The following UXS1 variants were observed in gnomAD, a reference collection of about 807,000 sequenced individuals.
UXS1 encodes the protein UDP-glucuronic acid decarboxylase 1.
In UXS1, 33 loss-of-function variants were observed where a neutral mutation model predicts 62.6. The observed-to-expected ratio is 0.53, with a 90% confidence interval of 0.40 to 0.70. The LOEUF (loss-of-function observed/expected upper bound fraction) is 0.70. Ranked by LOEUF, UXS1 falls within the 30% of genes least tolerant of loss-of-function variation. The probability of loss-of-function intolerance (pLI) is 0.00; values close to 1 mark genes in which losing one functional copy is unlikely to be tolerated. For synonymous variants in UXS1, 213 were observed against 206.8 expected, an observed-to-expected ratio of 1.03 and a Z score of -0.26; for missense variants, 434 against 556.3, an observed-to-expected ratio of 0.78 and a Z score of 2.21.
intron 4 of UXS1, among the ~76,000 whole-genome samples, chr2:106,158,332 C>T (rs1682612140): frequency 6.6e-6 from 1 of 152,144 alleles, no homozygotes; most frequent in South Asian, 2.1e-4. Flanking sequence ...AAGCTAAAGA[C>T]GTGACTTGAG....
chr2:106,179,792 G>A (rs1270852024), intron 1 of UXS1, among the ~76,000 whole-genome samples: 2 of 152,314 alleles, frequency 1.3e-5, no homozygotes, highest in East Asian at 1.9e-4. Flanking sequence ...ATAGATTCAT[G>A]AGGTAGATCT....
At chr2:106,105,676 T>C (rs725217) in intron 10 of UXS1, among the ~76,000 whole-genome samples, 111,869 of 152,118 alleles carry the variant, frequency 0.74, 41,441 homozygotes, top group South Asian at 0.79. Context: ...CAGCACGATG[T>C]GAGGTGCGAT....
chr2:106,107,743 G>A (rs868144476), intron 10 of UXS1, among the ~76,000 whole-genome samples: 2 of 152,172 alleles, frequency 1.3e-5, no homozygotes, highest in African/African-American at 2.4e-5. Context: ...GGAGAGTTAC[G>A]ACTGTGGGTG....
intron 8 of UXS1, among the ~76,000 whole-genome samples, chr2:106,123,716 T>C (rs920672251): frequency 1.3e-5 from 2 of 152,186 alleles, no homozygotes; most frequent in African/African-American, 4.8e-5. Context: ...GAAGAGACTA[T>C]TGGAAGAAAA....
chr2:106,170,992 A>T (rs1683519288), intron 1 of UXS1, among the ~76,000 whole-genome samples: 1 of 152,230 alleles, frequency 6.6e-6, no homozygotes, highest in Admixed American at 6.5e-5. Flanking sequence ...TAAAGTAAGT[A>T]TTTTAAGAAA....
chr2:106,191,778 C>T (rs1311203883), intron 1 of UXS1, among the ~76,000 whole-genome samples: 4 of 152,250 alleles, frequency 2.6e-5, no homozygotes, highest in African/African-American at 9.6e-5. Context: ...CTACATAAGC[C>T]GTCCATTCTC....
chr2:106,177,200 C>CTT (rs5833174), intron 1 of UXS1, among the ~76,000 whole-genome samples: 129,375 of 134,674 alleles, frequency 0.96, 62,308 homozygotes, highest in East Asian at 0.99. Flanking sequence ...TTTCTTTTTT[C>CTT]TTTTTTTTTT....
intron 1 of UXS1, among the ~76,000 whole-genome samples, chr2:106,169,787 C>T (rs149601390): frequency 1.3e-5 from 2 of 152,330 alleles, no homozygotes; most frequent in African/African-American, 4.8e-5. Context: ...CAGACACCTT[C>T]TGTTTCCTTG....
intron 7 of UXS1, among the ~76,000 whole-genome samples, 155 bp from the exon 8 acceptor site, chr2:106,125,834 A>G (rs1319031897): frequency 6.6e-6 from 1 of 152,246 alleles, no homozygotes; most frequent in East Asian, 1.9e-4. Flanking sequence ...CAAAATAAAC[A>G]AAACAAATAC....
intron 1 of UXS1, among the ~76,000 whole-genome samples, chr2:106,192,928 C>T (rs991198345): frequency 2.0e-5 from 3 of 152,180 alleles, no homozygotes; most frequent in African/African-American, 4.8e-5. Context: ...AGTTATTCAA[C>T]TTTAAATGGT....
At chr2:106,152,939 G>C (rs1315633440) in intron 5 of UXS1, among the ~76,000 whole-genome samples, 1 of 152,134 alleles carries the variant, frequency 6.6e-6, no homozygotes, top group East Asian at 1.9e-4. Flanking sequence ...CCCAGCACCA[G>C]GGCAGTGGTT....
At chr2:106,185,020 T>C (rs545529795) in intron 1 of UXS1, among the ~76,000 whole-genome samples, 1 of 152,348 alleles carries the variant, frequency 6.6e-6, no homozygotes, top group East Asian at 1.9e-4. Flanking sequence ...TATGGAGGGC[T>C]TACTCATGTC....
intron 11 of UXS1, among the ~76,000 whole-genome samples, chr2:106,103,256 C>A (rs1677743568): frequency 6.6e-6 from 1 of 152,212 alleles, no homozygotes; most frequent in Non-Finnish European, 1.5e-5. Context: ...GCACACAATG[C>A]CCTTGAGATA....
intron 1 of UXS1, among the ~76,000 whole-genome samples, chr2:106,177,633 T>TA (rs1231813583): frequency 1.3e-5 from 2 of 152,230 alleles, no homozygotes; most frequent in Non-Finnish European, 2.9e-5. Flanking sequence ...GAACACCTTT[T>TA]TTAAGTCTGT....
intron 10 of UXS1, among the ~76,000 whole-genome samples, chr2:106,107,742 C>T (rs115301468): frequency 7.8e-4 from 119 of 152,344 alleles, no homozygotes; most frequent in Admixed American, 2.5e-3. Context: ...AGGAGAGTTA[C>T]GACTGTGGGT....
chr2:106,152,414 T>G (rs1359740104), intron 5 of UXS1, among the ~76,000 whole-genome samples: 2 of 142,568 alleles, frequency 1.4e-5, no homozygotes, highest in Non-Finnish European at 3.0e-5. Context: ...ATCATGCCAC[T>G]GCACTCCAGC....
intron 5 of UXS1, among the ~76,000 whole-genome samples, chr2:106,149,521 C>G (rs1288158712): frequency 6.6e-6 from 1 of 152,182 alleles, no homozygotes; most frequent in Non-Finnish European, 1.5e-5. Context: ...TGGTCTCTCT[C>G]TTGCTCTCTC....
rs1006813112 is a variant in UXS1 at position 106,093,701 on chromosome 2, T to C, written c.*325A>G. ...TCCCGCTTAATGTTCCTTTTCAGCT[T>C]CACAAAGAAACCAGTAAATAAAACT... On this transcript the variant is annotated 3_prime_UTR_variant, in exon 15 of 15. Transcript: ENST00000283148. 4.4e-6 allele frequency: 1 copy of C among 226,660 alleles called. No individual in the cohort carries two copies. The highest frequency in any genetic ancestry group is 8.5e-6 in the Non-Finnish European group (1 of 117,830). The allele number at this position is 226,660 out of a possible 1,614,324, so 14.0% of individuals were successfully genotyped here. A position where few individuals can be genotyped will look rare whatever the true frequency, so the allele number is the denominator to read the frequency against.
intron 7 of UXS1, among the ~76,000 whole-genome samples, chr2:106,129,456 A>C (rs1167511431): frequency 6.6e-6 from 1 of 152,210 alleles, no homozygotes; most frequent in Non-Finnish European, 1.5e-5. Flanking sequence ...CAATGCATGA[A>C]AAGTTAAGTT....
Sources: gnomAD v4.1 joint callset for allele counts (sites outside exome capture counted in the v4.1 genomes callset) on GRCh38, gnomAD v4.1.1 for gene constraint, MANE v1.5 for transcripts, NCBI Gene and HGNC (gene_info 2026-07-23, HGNC 2026-07-21) for gene names.